LUZP2: variants seen among roughly 807,000 people sequenced by gnomAD.
The protein encoded by LUZP2 is leucine zipper protein 2.
LUZP2 carries 52 observed loss-of-function variants against 51.6 expected under a neutral mutation model. The ratio of observed to expected loss-of-function variants is 1.01; its 90% confidence interval spans 0.81 to 1.27. The LOEUF (loss-of-function observed/expected upper bound fraction) is 1.27. LUZP2 is among the 50% of genes most tolerant of loss of function. LUZP2 has a pLI of 0.00. For synonymous variants in LUZP2, 154 were observed against 137.3 expected (o/e 1.12, Z -0.85); for missense variants, 436 against 395.4 (o/e 1.10, Z -0.87).
chr11:24,690,011 T>C (rs1297673545), intron 1 of LUZP2, among the ~76,000 whole-genome samples: 1 of 152,122 alleles, frequency 6.6e-6, no homozygotes, highest in African/African-American at 2.4e-5. Context: ...CTTATACATG[T>C]ATTTCTCTAT....
At chr11:24,789,332 G>A (rs1849340314) in intron 5 of LUZP2, among the ~76,000 whole-genome samples, 1 of 152,170 alleles carries the variant, frequency 6.6e-6, no homozygotes, top group Non-Finnish European at 1.5e-5. Context: ...CTCTCAAGGT[G>A]TGTCTCTTTG....
At chr11:24,563,540 T>C (rs1464131867) in intron 1 of LUZP2, among the ~76,000 whole-genome samples, 2 of 152,178 alleles carry the variant, frequency 1.3e-5, no homozygotes, top group Non-Finnish European at 2.9e-5. Flanking sequence ...ATAAGTACGA[T>C]TCTATCAAAT....
chr11:24,748,647 G>A (rs966253476), intron 4 of LUZP2, among the ~76,000 whole-genome samples: 1 of 151,942 alleles, frequency 6.6e-6, no homozygotes, highest in Non-Finnish European at 1.5e-5. Flanking sequence ...TCAGAAGAGA[G>A]GGGGTTTCAC....
chr11:24,754,386 C>G (rs1039683611), intron 4 of LUZP2, among the ~76,000 whole-genome samples: 16 of 152,170 alleles, frequency 1.1e-4, no homozygotes, highest in Non-Finnish European at 2.4e-4. Flanking sequence ...CTACCCTTCA[C>G]TGTTCTCTGG....
intron 1 of LUZP2, among the ~76,000 whole-genome samples, chr11:24,512,727 T>G (rs1445400934): frequency 6.6e-6 from 1 of 151,952 alleles, no homozygotes; most frequent in Non-Finnish European, 1.5e-5. Flanking sequence ...TTTTAATTCC[T>G]GAATTTAATG....
intron 1 of LUZP2, among the ~76,000 whole-genome samples, chr11:24,574,440 T>A (rs999900691): frequency 5.3e-5 from 8 of 151,008 alleles, no homozygotes; most frequent in African/African-American, 1.9e-4. Context: ...TGTTAGTTAG[T>A]ATATTTGTGT....
chr11:24,591,756 A>G (rs1161333220), intron 1 of LUZP2, among the ~76,000 whole-genome samples: 1 of 152,210 alleles, frequency 6.6e-6, no homozygotes, highest in East Asian at 1.9e-4. Context: ...ACACCATTCT[A>G]TGAAGTTGAA....
chr11:24,843,904 TC>T (rs1851115765), intron 5 of LUZP2, among the ~76,000 whole-genome samples: 1 of 152,176 alleles, frequency 6.6e-6, no homozygotes, highest in South Asian at 2.1e-4. Flanking sequence ...CCTCATTATG[TC>T]CTCCACGATT....
chr11:24,626,841 G>A lies in LUZP2; in HGVS notation c.63-102328G>A, dbSNP rs142071058. On this transcript the variant is annotated intron_variant, in intron 1 of 11. Transcript: ENST00000336930. Reference sequence around the variant, plus strand: ...TGAGAATCTGCTTCACTTTATAATGGCTGAAAAAAATCAAGTCTTGCTTCA... The same window carrying A: ...TGAGAATCTGCTTCACTTTATAATGACTGAAAAAAATCAAGTCTTGCTTCA... Among the ~76,000 whole-genome samples, 158 of 151,998 alleles carry A rather than the reference G, an allele frequency of 1.0e-3. 6 individuals carry two copies. In the East Asian group the frequency reaches 0.028, roughly 27 times the overall value.
intron 1 of LUZP2, among the ~76,000 whole-genome samples, chr11:24,619,890 G>A (rs1031802629): frequency 1.3e-5 from 2 of 152,064 alleles, no homozygotes; most frequent in African/African-American, 2.4e-5. Flanking sequence ...TTGGATCCAT[G>A]GGTATAGAAC....
At chr11:24,738,945 C>T (rs1018226415) in intron 4 of LUZP2, among the ~76,000 whole-genome samples, 9 of 152,172 alleles carry the variant, frequency 5.9e-5, no homozygotes, top group East Asian at 1.9e-4. Flanking sequence ...AGCCACCTTA[C>T]GCACCATGTA....
At chr11:24,733,977 AG>A (rs1371897938) in intron 3 of LUZP2, among the ~76,000 whole-genome samples, 1 of 151,858 alleles carries the variant, frequency 6.6e-6, no homozygotes, top group Non-Finnish European at 1.5e-5. Context: ...AATGGCTAAA[AG>A]ATGGCATATA....
intron 1 of LUZP2, among the ~76,000 whole-genome samples, chr11:24,643,624 T>C (rs1189163444): frequency 1.3e-5 from 2 of 152,204 alleles, no homozygotes; most frequent in African/African-American, 4.8e-5. Context: ...ATTACAGTGA[T>C]TAATCAATAA....
chr11:24,598,577 C>T (rs1853520956), intron 1 of LUZP2, among the ~76,000 whole-genome samples: 2 of 152,168 alleles, frequency 1.3e-5, no homozygotes, highest in Admixed American at 6.5e-5. Flanking sequence ...ATATCTATAT[C>T]TCACTGTGTT....
chr11:24,526,278 AG>A (rs1850801132), intron 1 of LUZP2, among the ~76,000 whole-genome samples: 1 of 147,820 alleles, frequency 6.8e-6, no homozygotes, highest in Non-Finnish European at 1.5e-5. Flanking sequence ...AAAAAAAAAA[AG>A]CTCAAGAGTG....
At position 25,080,185 on chromosome 11, in the gene LUZP2, C is replaced by G. The variant is rs1859425676; in HGVS notation, c.*1527C>G. 6.6e-6 allele frequency: 1 copy of G among 152,044 alleles called. No homozygotes were observed. The highest frequency in any genetic ancestry group is 2.1e-4 in the South Asian group (1 of 4,830). 9.4% of individuals were successfully genotyped at this position (152,044 alleles called of 1,614,324 possible). On this transcript the variant is annotated 3_prime_UTR_variant, in exon 12 of 12. Transcript: ENST00000336930. ...GTGAAAGCTTCATAATTTCTACATG[C>G]TTTGAATTTTGAATTTTGTTATTTT...
At chr11:25,053,363 A>G (rs988796594) in intron 10 of LUZP2, among the ~76,000 whole-genome samples, 6 of 152,254 alleles carry the variant, frequency 3.9e-5, no homozygotes, top group African/African-American at 1.2e-4. Context: ...TGAAAGGCAC[A>G]ATGAAGCTAA....
chr11:25,022,603 T>C (rs1857370824), intron 9 of LUZP2, among the ~76,000 whole-genome samples: 1 of 152,038 alleles, frequency 6.6e-6, no homozygotes, highest in Non-Finnish European at 1.5e-5. Context: ...GTTTAAGAAA[T>C]CTCATTTTAA....
chr11:24,826,563 A>G (rs1850549176), intron 5 of LUZP2, among the ~76,000 whole-genome samples: 2 of 151,472 alleles, frequency 1.3e-5, no homozygotes, highest in South Asian at 4.2e-4. Context: ...AAACAGTGTT[A>G]AAAGCACCCT....
Sources: allele counts gnomAD v4.1 joint callset (sites outside exome capture counted in the v4.1 genomes callset), GRCh38; gene constraint gnomAD v4.1.1; transcripts MANE v1.5; gene names NCBI Gene and HGNC (gene_info 2026-07-23, HGNC 2026-07-21).